Variants in PAWR observed in about 807,000 individuals in gnomAD.
PAWR encodes pro-apoptotic WT1 regulator, also known as PRKC apoptosis WT1 regulator protein.
PAWR carries 23 observed loss-of-function variants against 32.0 expected under a neutral mutation model. That is an observed-to-expected ratio of 0.72 (90% CI 0.52 to 1.02). PAWR has a LOEUF of 1.02. Ranked by LOEUF, PAWR falls within the 50% of genes least tolerant of loss-of-function variation. The probability of loss-of-function intolerance (pLI) is 0.00; values close to 1 mark genes in which losing one functional copy is unlikely to be tolerated. For synonymous variants in PAWR, 226 were observed against 187.1 expected, an observed-to-expected ratio of 1.21 and a Z score of -1.70; for missense variants, 457 against 437.7, an observed-to-expected ratio of 1.04 and a Z score of -0.39.
In PAWR at chr12:79,663,770, C is replaced by CAA. The variant is rs1044395007; in HGVS notation, c.516+25957_516+25958dup. Reference sequence around the variant, plus strand: ...AGTGAGACTCTGTCTCAAACAAAACCAAAAAAAAAAACCCTATTTATTTTA... The same window carrying CAA: ...AGTGAGACTCTGTCTCAAACAAAACCAAAAAAAAAAAAACCCTATTTATTTTA... On this transcript the variant is annotated intron_variant, in intron 2 of 6. Transcript: ENST00000328827. Among the ~76,000 whole-genome samples the CAA allele has an allele frequency of 4.3e-3, 596 of 138,822 alleles. 9 individuals are homozygous for CAA. Among genetic ancestry groups the CAA allele is most frequent in the African/African-American group, 0.015 (566 of 38,092 alleles). 91.1% of individuals were successfully genotyped at this position (138,822 alleles called of 152,430 possible). A position where few individuals can be genotyped will look rare whatever the true frequency, so the allele number is the denominator to read the frequency against.
At chr12:79,599,142 T>G (rs2136677545) in intron 4 of PAWR, among the ~76,000 whole-genome samples, 1 of 152,332 alleles carries the variant, frequency 6.6e-6, no homozygotes, top group South Asian at 2.1e-4. Context: ...GGGACCAAAC[T>G]GGTTTCTTGT....
intron 2 of PAWR, chr12:79,632,132 C>CAAAAAAAAAAAAAAAAAAAAAAA (rs59152885): frequency 2.0e-5 from 1 of 50,912 alleles, no homozygotes; most frequent in African/African-American, 6.6e-5. Context: ...GACTCTGTCT[C>CAAAAAAAAAAAAAAAAAAAAAAA]AAAAAAAAAA....
intron 2 of PAWR, among the ~76,000 whole-genome samples, chr12:79,663,317 T>G (rs1877437492): frequency 6.6e-6 from 1 of 152,202 alleles, no homozygotes; most frequent in Admixed American, 6.5e-5. Flanking sequence ...GACTATTTCT[T>G]TATCTTCTCT....
chr12:79,601,863 A>C (rs189039879), intron 4 of PAWR, among the ~76,000 whole-genome samples: 169 of 152,350 alleles, frequency 1.1e-3, no homozygotes, highest in Non-Finnish European at 2.0e-3. Flanking sequence ...CCTTACAAAA[A>C]AATGAGAATT....
intron 4 of PAWR, among the ~76,000 whole-genome samples, chr12:79,607,785 T>C (rs1056757412): frequency 1.3e-5 from 2 of 151,528 alleles, no homozygotes; most frequent in Admixed American, 6.6e-5. Flanking sequence ...TTTCTGGTTT[T>C]GACCCTTGAC....
intron 5 of PAWR, among the ~76,000 whole-genome samples, chr12:79,595,090 GA>G (rs2136673413): frequency 6.6e-6 from 1 of 152,136 alleles, no homozygotes; most frequent in African/African-American, 2.4e-5. Context: ...TATCTTGTTT[GA>G]AATAATTCAA....
chr12:79,604,300 AC>A (rs1336010999), intron 4 of PAWR: 5 of 996,950 alleles, frequency 5.0e-6, no homozygotes, highest in Non-Finnish European at 6.0e-6. Flanking sequence ...GGGAAAAGAA[AC>A]AGTATCATCA....
rs777879117 is a variant in PAWR, at chr12:79,586,891, A to C, written c.*5716T>G. On this transcript the variant is annotated 3_prime_UTR_variant, in exon 7 of 7. Transcript: ENST00000328827. Reference sequence around the variant, plus strand: ...AAATGAATGGACTGTAAAGGATCTTATAACCAGTCTCTCTCTTTAATATGA... The same window carrying C: ...AAATGAATGGACTGTAAAGGATCTTCTAACCAGTCTCTCTCTTTAATATGA... The C allele has an allele frequency of 6.6e-6, 1 of 152,178 alleles. No homozygotes were observed. 9.4% of individuals were successfully genotyped at this position (152,178 alleles called of 1,614,324 possible).
chr12:79,617,789 G>A (rs973921684), intron 3 of PAWR, among the ~76,000 whole-genome samples: 6 of 152,134 alleles, frequency 3.9e-5, no homozygotes, highest in East Asian at 1.9e-4. Context: ...TGTTGAAGGC[G>A]GGGCCTGTTG....
chr12:79,593,158 G>C (rs1052535377), intron 6 of PAWR, among the ~76,000 whole-genome samples: 1 of 152,068 alleles, frequency 6.6e-6, no homozygotes, highest in African/African-American at 2.4e-5. Flanking sequence ...ACCACTGTCT[G>C]ATCTTTAAAG....
chr12:79,636,231 T>TG (rs1286421030), intron 2 of PAWR, among the ~76,000 whole-genome samples: 1 of 152,138 alleles, frequency 6.6e-6, no homozygotes, highest in African/African-American at 2.4e-5. Flanking sequence ...ATTCATCTCA[T>TG]GGCAGCTTTT....
intron 2 of PAWR, among the ~76,000 whole-genome samples, chr12:79,677,412 G>C (rs1326025778): frequency 6.6e-6 from 1 of 151,824 alleles, no homozygotes; most frequent in African/African-American, 2.4e-5. Flanking sequence ...TGAAACAAAA[G>C]TGTTTATGAA....
chr12:79,603,000 G>T (rs758528722), intron 4 of PAWR, among the ~76,000 whole-genome samples: 1 of 152,078 alleles, frequency 6.6e-6, no homozygotes, highest in African/African-American at 2.4e-5. Flanking sequence ...TCAGCACTTT[G>T]GGGGGCCAAG....
chr12:79,685,138 T>C (rs1277894965), intron 2 of PAWR, among the ~76,000 whole-genome samples: 3 of 152,208 alleles, frequency 2.0e-5, no homozygotes, highest in African/African-American at 7.2e-5. Flanking sequence ...GACAACTCAG[T>C]ACAAATCCTG....
At chr12:79,666,588 T>C (rs1389950175) in intron 2 of PAWR, among the ~76,000 whole-genome samples, 1 of 152,022 alleles carries the variant, frequency 6.6e-6, no homozygotes, top group East Asian at 1.9e-4. Flanking sequence ...TACAACAAAC[T>C]AAAGGATGAA....
rs140725787 is a variant in PAWR at position 79,639,322 on chromosome 12, C to A, written c.517-18115G>T. Among the ~76,000 whole-genome samples, 651 of 152,116 alleles carry A rather than the reference C, an allele frequency of 4.3e-3. 8 individuals carry two copies. The highest frequency in any genetic ancestry group is 0.015 in the African/African-American group (610 of 41,518). On this transcript the variant is annotated intron_variant, in intron 2 of 6. Coordinates refer to ENST00000328827, the MANE Select transcript of PAWR (RefSeq NM_002583.4). ...AATACCAGTTCTCTTTCTTATTATTCACTTTTAAAATTTTCTTGGCTTCTC... is the reference window on the plus strand; with the variant it reads ...AATACCAGTTCTCTTTCTTATTATTAACTTTTAAAATTTTCTTGGCTTCTC...
At chr12:79,639,463 A>C (rs1439692366) in intron 2 of PAWR, among the ~76,000 whole-genome samples, 2 of 152,168 alleles carry the variant, frequency 1.3e-5, no homozygotes, top group Non-Finnish European at 2.9e-5. Context: ...CTCTGTGCCC[A>C]AATTCTCTGC....
In PAWR at chr12:79,650,558, T is replaced by C. The variant is rs181359843; in HGVS notation, c.517-29351A>G. 2.0e-5 allele frequency among the ~76,000 whole-genome samples: 3 copies of C among 152,282 alleles called. No homozygotes were observed. In the East Asian group the frequency reaches 5.8e-4, roughly 29 times the overall value. On this transcript the variant is annotated intron_variant, in intron 2 of 6. Coordinates refer to ENST00000328827, the MANE Select transcript of PAWR (RefSeq NM_002583.4). ...AAACCAGGAGTTGGCAAATGTTTTC[T>C]CTGTAAAAACAGATAGTAAATATTA...
At chr12:79,678,257 A>C (rs574772301) in intron 2 of PAWR, among the ~76,000 whole-genome samples, 1 of 152,368 alleles carries the variant, frequency 6.6e-6, no homozygotes, top group Non-Finnish European at 1.5e-5. Flanking sequence ...TGTTGCATAA[A>C]CAGATATGGA....
Sources: gnomAD v4.1 joint callset for allele counts (sites outside exome capture counted in the v4.1 genomes callset) on GRCh38, gnomAD v4.1.1 for gene constraint, MANE v1.5 for transcripts, NCBI Gene and HGNC (gene_info 2026-07-23, HGNC 2026-07-21) for gene names.